Variants in SEMA4D observed in about 807,000 individuals in gnomAD.
The protein encoded by SEMA4D is semaphorin 4D.
SEMA4D carries 22 observed loss-of-function variants against 74.8 expected under a neutral mutation model. The observed-to-expected ratio is 0.29, with a 90% CI of 0.21 to 0.42. The LOEUF (loss-of-function observed/expected upper bound fraction) is 0.42, where lower values mean the gene tolerates loss of function less well. Ranked by LOEUF, SEMA4D falls within the 10% of genes least tolerant of loss-of-function variation. The probability of loss-of-function intolerance (pLI) is 1.00; values close to 1 mark genes in which losing one functional copy is unlikely to be tolerated. For synonymous variants in SEMA4D, 445 were observed against 463.7 expected (o/e 0.96, Z 0.52); for missense variants, 937 against 1,118.4 (o/e 0.84, Z 2.31).
chr9:89,453,965 C>G (rs1039597399), intron 2 of SEMA4D, among the ~76,000 whole-genome samples: 1 of 150,522 alleles, frequency 6.6e-6, no homozygotes, highest in African/African-American at 2.4e-5. Context: ...TCACGCCATT[C>G]TCCTGCCTCA....
chr9:89,478,483 G>A (rs991781157), intron 1 of SEMA4D, among the ~76,000 whole-genome samples: 1 of 152,094 alleles, frequency 6.6e-6, no homozygotes, highest in Admixed American at 6.5e-5. Context: ...CTCCAGAACT[G>A]GGAGAATAAG....
Position 89,478,904 on chromosome 9 carries a change from G to A in SEMA4D, c.-310+19015C>T, listed in dbSNP as rs1862457839. ...CATGTTACTACACTCCCAATTCTGT[G>A]GGTGAGGAGCCTCAGCGGGCCCCAG... On this transcript the variant is annotated intron_variant, in intron 1 of 15. Transcript: ENST00000422704. Among the ~76,000 whole-genome samples the A allele has an allele frequency of 1.3e-5, 2 of 152,098 alleles. 1 individual carries two copies. Among genetic ancestry groups the A allele is most frequent in the South Asian group, 4.1e-4 (2 of 4,824 alleles).
intron 2 of SEMA4D, chr9:89,449,729 G>T: frequency 6.6e-7 from 1 of 1,513,360 alleles, no homozygotes; most frequent in East Asian, 2.3e-5. Context: ...CCGTGATTAT[G>T]CAAGAAACAG....
In SEMA4D at chr9:89,378,550, A is replaced by C; in HGVS notation, c.*154T>G. 6 of 611,634 alleles carry C rather than the reference A, an allele frequency of 9.8e-6. No homozygotes were observed. Among genetic ancestry groups the C allele is most frequent in the East Asian group, 2.8e-5 (1 of 36,188 alleles). 37.9% of individuals were successfully genotyped at this position (611,634 alleles called of 1,614,324 possible). On this transcript the variant is annotated 3_prime_UTR_variant, in exon 16 of 16. Coordinates refer to ENST00000422704, the MANE Select transcript of SEMA4D (RefSeq NM_001371194.2). Reference sequence around the variant, plus strand: ...GAAACCAAGTCACAGGCTCAACCCAAGAGAAAATAGACAAGAGGACTGAGG... The same window carrying C: ...GAAACCAAGTCACAGGCTCAACCCACGAGAAAATAGACAAGAGGACTGAGG...
chr9:89,426,153 G>C (rs547427154), intron 2 of SEMA4D, among the ~76,000 whole-genome samples: 150 of 152,308 alleles, frequency 9.8e-4, no homozygotes, highest in African/African-American at 3.2e-3. Flanking sequence ...CTCCTCCCCT[G>C]CTGCCCTCAG....
intron 1 of SEMA4D, among the ~76,000 whole-genome samples, chr9:89,462,954 G>GGGAGCGAGCGAGGGGA (rs140255496): frequency 0.032 from 307 of 9,504 alleles, 47 homozygotes; most frequent in East Asian, 0.17. Context: ...AAGAAAGGAG[G>GGGAGCGAGCGAGGGGA]GGGGAGCGAG....
Position 89,378,918 on chromosome 9 carries a change from G to A in SEMA4D, c.2375C>T (p.Thr792Met), listed in dbSNP as rs146623645. ...FCDREQSLKE[T>M]LVEPGSFSQQ... ...GGAGAAGCTCCCTGGCTCTACTAAC[G>A]TCTCCTTCAGGCTCTGCTCACGGTC... is the stretch of plus-strand genomic sequence containing the variant. The change falls in exon 16 of 16, where the codon ACG becomes ATG. Residue 792 changes from threonine to methionine, a missense_variant. Transcript: ENST00000422704. The A allele has an allele frequency of 1.7e-4, 275 of 1,614,176 alleles. 1 individual carries two copies. The highest frequency in any genetic ancestry group is 1.0e-3 in the Admixed American group (62 of 60,022).
intron 2 of SEMA4D, chr9:89,450,845 G>C (rs1331976719): frequency 1.7e-6 from 1 of 605,058 alleles, no homozygotes; most frequent in Non-Finnish European, 2.8e-6. Flanking sequence ...TCTCCACCTA[G>C]GACTGCCAGC....
chr9:89,459,985 C>T (rs1856840466), intron 1 of SEMA4D, among the ~76,000 whole-genome samples: 1 of 152,170 alleles, frequency 6.6e-6, no homozygotes, highest in Non-Finnish European at 1.5e-5. Flanking sequence ...GAAACAACTG[C>T]TACAAAAAAA....
At chr9:89,370,845 C>T (rs568402167) in intron 16 of SEMA4D, among the ~76,000 whole-genome samples, 407 of 66,828 alleles carry the variant, frequency 6.1e-3, no homozygotes, top group African/African-American at 0.023. Flanking sequence ...TGCGGTGTGT[C>T]GGGCGTGTGT....
At chr9:89,361,842 A>C (rs1041635082) in exon 19 of SEMA4D, 4 of 158,200 alleles carry the variant, frequency 2.5e-5, no homozygotes, top group African/African-American at 9.6e-5. Flanking sequence ...AGGCATTTCC[A>C]TGTGGAGTCT....
chr9:89,379,431 A>AC lies in SEMA4D; in HGVS notation c.1861dup (p.Val621GlyfsTer11). The AC allele has an allele frequency of 6.2e-7, 1 of 1,613,984 alleles. No homozygotes were observed. Among genetic ancestry groups the AC allele is most frequent in the Non-Finnish European group, 8.5e-7 (1 of 1,179,992 alleles). On this transcript the variant is annotated frameshift_variant, in exon 16 of 16. Transcript: ENST00000422704. LOFTEE classifies it low-confidence loss of function (END_TRUNC). The stretch of plus-strand genomic sequence containing the variant: ...CCTCTCCTCTGACAGGCACTGGTAC[A>AC]CCCCACTGTCTCCTTCTGACAAGTT...
At position 89,381,577 on chromosome 9, in the gene SEMA4D, T is replaced by C. The variant is rs1483945371; in HGVS notation, c.1447-231A>G. Reference sequence around the variant, plus strand: ...TGGGCCTTAGGTCCAAATCCCTCTCTCCCCTGTCTGGGCACCCACAGGTGC... The same window carrying C: ...TGGGCCTTAGGTCCAAATCCCTCTCCCCCCTGTCTGGGCACCCACAGGTGC... On this transcript the variant is annotated intron_variant, in intron 13 of 15. Coordinates refer to ENST00000422704, the MANE Select transcript of SEMA4D (RefSeq NM_001371194.2). The surrounding 1 kb of genome is among the most constrained non-coding windows in gnomAD (Gnocchi z 4.6). The C allele has an allele frequency of 1.9e-5, 8 of 414,106 alleles. No individual in the cohort carries two copies. Among genetic ancestry groups the C allele is most frequent in the East Asian group, 3.5e-5 (1 of 28,370 alleles). 25.7% of individuals were successfully genotyped at this position (414,106 alleles called of 1,614,324 possible). A position where few individuals can be genotyped will look rare whatever the true frequency, so the allele number is the denominator to read the frequency against.
chr9:89,474,799 T>C (rs1439436247), intron 1 of SEMA4D, among the ~76,000 whole-genome samples: 1 of 152,194 alleles, frequency 6.6e-6, no homozygotes, highest in Non-Finnish European at 1.5e-5. Flanking sequence ...TGGCCAAGCC[T>C]TTCCGTAGAG....
intron 1 of SEMA4D, among the ~76,000 whole-genome samples, chr9:89,490,373 T>C (rs935359507): frequency 1.3e-5 from 2 of 152,224 alleles, no homozygotes; most frequent in Non-Finnish European, 2.9e-5. Flanking sequence ...CAAAAGAGTA[T>C]GCAGATGGTC....
chr9:89,364,118 C>T, intron 16 of SEMA4D: 2 of 1,415,164 alleles, frequency 1.4e-6, no homozygotes, highest in Non-Finnish European at 1.9e-6. Context: ...TTCCCCATGG[C>T]CAGCGGGAGC....
downstream of SEMA4D, chr9:89,376,776 C>T (rs1835848306): frequency 2.0e-6 from 3 of 1,513,962 alleles, no homozygotes; most frequent in East Asian, 7.5e-5. Flanking sequence ...GCCCGCCCCC[C>T]ACCTGTGGGA....
intron 12 of SEMA4D, 26 bp from the exon 13 acceptor site, chr9:89,386,508 T>C (rs1838542426): frequency 2.0e-6 from 3 of 1,531,818 alleles, no homozygotes; most frequent in Admixed American, 3.4e-5. Flanking sequence ...TACAGGTCAG[T>C]GACACTAACC....
chr9:89,477,485 G>A (rs1010008155), intron 1 of SEMA4D, among the ~76,000 whole-genome samples: 4 of 152,158 alleles, frequency 2.6e-5, no homozygotes, highest in African/African-American at 7.2e-5. Flanking sequence ...TCCACTGAAG[G>A]CCCCAGGGAC....
Sources: allele counts gnomAD v4.1 joint callset (sites outside exome capture counted in the v4.1 genomes callset), GRCh38; gene constraint gnomAD v4.1.1; non-coding constraint Gnocchi (gnomAD v3.1); transcripts MANE v1.5; gene names NCBI Gene and HGNC (gene_info 2026-07-23, HGNC 2026-07-21).